The following PPP1R9A variants were observed in gnomAD, a reference collection of about 807,000 sequenced individuals.
PPP1R9A encodes the protein protein phosphatase 1 regulatory subunit 9A.
Under a neutral mutation model 141.9 loss-of-function variants are expected in PPP1R9A, and 59 were observed. The observed-to-expected ratio is 0.42, with a 90% CI of 0.34 to 0.52. The LOEUF is 0.52. Ranked by LOEUF, PPP1R9A falls within the 20% of genes least tolerant of loss-of-function variation. The probability of loss-of-function intolerance (pLI) is 0.10; values close to 1 mark genes in which losing one functional copy is unlikely to be tolerated. For missense variants in PPP1R9A, 1,444 were observed against 1,611.9 expected (o/e 0.90, Z 1.78); for synonymous variants, 500 against 569.7 (o/e 0.88, Z 1.74).
intron 4 of PPP1R9A, among the ~76,000 whole-genome samples, chr7:95,134,743 ACT>A (rs1382610601): frequency 6.6e-6 from 1 of 151,942 alleles, no homozygotes; most frequent in Non-Finnish European, 1.5e-5. Flanking sequence ...CCTATGTTAG[ACT>A]CTTGATAAGT....
chr7:94,910,130 C>CTTCAGGTCAGTT lies in PPP1R9A; in HGVS notation c.24_25insCAGTTTTCAGGT (p.Gly8_Glu9insGlnPheSerGly). On this transcript the variant is annotated inframe_insertion, in exon 2 of 20. Coordinates refer to ENST00000433360, the MANE Select transcript of PPP1R9A (RefSeq NM_001166160.2). The surrounding 1 kb of genome is among the most constrained non-coding windows in gnomAD (Gnocchi z 4.5). ...GAAGTGAAAATGTTGAAAACTGAGT[C>CTTCAGGTCAGTT]TTCAGGTGAACGAACCACTCTCAGA... 1 of 1,609,990 alleles carries CTTCAGGTCAGTT rather than the reference C, an allele frequency of 6.2e-7. No individual in the cohort carries two copies. The highest frequency in any genetic ancestry group is 8.5e-7 in the Non-Finnish European group (1 of 1,177,876).
At chr7:95,146,584 T>G (rs978949142) in intron 4 of PPP1R9A, among the ~76,000 whole-genome samples, 2 of 152,352 alleles carry the variant, frequency 1.3e-5, no homozygotes, top group South Asian at 2.1e-4. Context: ...GCCTATGTCC[T>G]GAATCATATT....
intron 2 of PPP1R9A, among the ~76,000 whole-genome samples, chr7:94,964,497 G>A (rs964918675): frequency 9.2e-5 from 14 of 151,958 alleles, no homozygotes; most frequent in East Asian, 5.8e-4. Flanking sequence ...ATCCCCACCC[G>A]CTGACAGGCC....
chr7:94,947,254 G>C (rs986673447), intron 2 of PPP1R9A, among the ~76,000 whole-genome samples: 1 of 152,090 alleles, frequency 6.6e-6, no homozygotes, highest in African/African-American at 2.4e-5. Flanking sequence ...GACCATCAGT[G>C]CTGGACACTC....
At chr7:95,082,072 A>C (rs1253529481) in intron 2 of PPP1R9A, among the ~76,000 whole-genome samples, 1 of 152,174 alleles carries the variant, frequency 6.6e-6, no homozygotes, top group Admixed American at 6.5e-5. Context: ...CCCACTCACA[A>C]AGATTATTTT....
chr7:95,157,309 C>T (rs904116372), intron 4 of PPP1R9A, among the ~76,000 whole-genome samples: 1 of 152,108 alleles, frequency 6.6e-6, no homozygotes, highest in Non-Finnish European at 1.5e-5. Context: ...ATATGGGCTG[C>T]TCCCTTGACC....
intron 3 of PPP1R9A, among the ~76,000 whole-genome samples, chr7:95,115,865 C>T (rs1279044113): frequency 2.0e-5 from 3 of 147,638 alleles, no homozygotes; most frequent in African/African-American, 5.0e-5. Context: ...TGCAGTGAGC[C>T]GAGACCACAC....
chr7:94,915,382 A>T (rs988626727), intron 2 of PPP1R9A, among the ~76,000 whole-genome samples: 1 of 152,130 alleles, frequency 6.6e-6, no homozygotes, highest in African/African-American at 2.4e-5. Context: ...TTCCTTTATA[A>T]CAGTTTTGTC....
intron 2 of PPP1R9A, among the ~76,000 whole-genome samples, chr7:95,089,253 T>G (rs1817014929): frequency 1.3e-5 from 2 of 152,076 alleles, no homozygotes; most frequent in Admixed American, 1.3e-4. Flanking sequence ...CAAATGCTTT[T>G]TAATGCATAC....
intron 2 of PPP1R9A, among the ~76,000 whole-genome samples, chr7:95,102,242 G>C (rs961262): frequency 0.5 from 75,950 of 151,958 alleles, 20,012 homozygotes; most frequent in African/African-American, 0.64. Context: ...ATCCATTCCT[G>C]AAATGCTCTA....
intron 7 of PPP1R9A, among the ~76,000 whole-genome samples, chr7:95,217,548 C>A (rs1321783598): frequency 6.6e-6 from 1 of 152,108 alleles, no homozygotes; most frequent in South Asian, 2.1e-4. Flanking sequence ...AGGAATGGTA[C>A]CAGCTCCTCC....
intron 2 of PPP1R9A, among the ~76,000 whole-genome samples, chr7:95,069,131 C>T (rs745524427): frequency 2.6e-5 from 4 of 152,140 alleles, no homozygotes; most frequent in Non-Finnish European, 4.4e-5. Context: ...AAAGCCTGTA[C>T]ATGCTCAGTA....
intron 5 of PPP1R9A, among the ~76,000 whole-genome samples, chr7:95,188,256 CTGT>C (rs1834936329): frequency 6.6e-6 from 1 of 151,802 alleles, no homozygotes; most frequent in Non-Finnish European, 1.5e-5. Context: ...TCTTTTTTAA[CTGT>C]TGTTGCTTTA....
chr7:95,053,647 A>G (rs780483712), intron 2 of PPP1R9A, among the ~76,000 whole-genome samples: 22 of 152,206 alleles, frequency 1.4e-4, no homozygotes, highest in Non-Finnish European at 3.1e-4. Flanking sequence ...GGTGCTTACA[A>G]CTTGGATTCC....
intron 2 of PPP1R9A, among the ~76,000 whole-genome samples, chr7:95,045,449 G>C (rs1283209347): frequency 6.6e-6 from 1 of 152,184 alleles, no homozygotes; most frequent in Non-Finnish European, 1.5e-5. Flanking sequence ...CCCTTGGGAG[G>C]TGAGCATGCG....
intron 3 of PPP1R9A, among the ~76,000 whole-genome samples, chr7:95,113,881 T>A (rs1006153359): frequency 2.6e-4 from 40 of 152,180 alleles, no homozygotes; most frequent in African/African-American, 9.7e-4. Context: ...AAACATACAA[T>A]TGCTTAAATG....
intron 2 of PPP1R9A, among the ~76,000 whole-genome samples, chr7:94,923,409 A>G (rs895105772): frequency 1.3e-5 from 2 of 152,192 alleles, no homozygotes; most frequent in African/African-American, 4.8e-5. Context: ...TAGATTATTG[A>G]GCCTCAACAG....
intron 2 of PPP1R9A, among the ~76,000 whole-genome samples, chr7:95,075,883 G>A (rs773476900): frequency 2.0e-5 from 3 of 151,998 alleles, no homozygotes; most frequent in Non-Finnish European, 2.9e-5. Context: ...AAGGGGTTTG[G>A]GGCTTCTGTG....
chr7:95,277,412 G>A (rs1158331960), intron 16 of PPP1R9A, among the ~76,000 whole-genome samples: 3 of 152,112 alleles, frequency 2.0e-5, no homozygotes, highest in Non-Finnish European at 4.4e-5. Flanking sequence ...TATGTGCTCA[G>A]TGGCATTGTC....
Sources: allele counts gnomAD v4.1 joint callset (sites outside exome capture counted in the v4.1 genomes callset), GRCh38; gene constraint gnomAD v4.1.1; non-coding constraint Gnocchi (gnomAD v3.1); transcripts MANE v1.5; gene names NCBI Gene and HGNC (gene_info 2026-07-23, HGNC 2026-07-21).